ZNF423: variants seen among roughly 807,000 people sequenced by gnomAD.
The protein encoded by ZNF423 is Ebf-associated zinc finger protein.
In ZNF423, 12 loss-of-function variants were observed where a neutral mutation model predicts 95.8. The ratio of observed to expected loss-of-function variants is 0.13; its 90% CI spans 0.08 to 0.20. The LOEUF is 0.20. Ranked by LOEUF, ZNF423 falls within the 10% of genes least tolerant of loss-of-function variation. The pLI is 1.00. For missense variants in ZNF423, 1,316 were observed against 1,737.1 expected, an observed-to-expected ratio of 0.76 and a Z score of 4.31; for synonymous variants, 749 against 711.9, an observed-to-expected ratio of 1.05 and a Z score of -0.83.
chr16:49,586,618 C>T (rs1035556567), intron 5 of ZNF423, among the ~76,000 whole-genome samples: 2 of 152,364 alleles, frequency 1.3e-5, no homozygotes, highest in Non-Finnish European at 2.9e-5. Flanking sequence ...GCGCAGCCCA[C>T]GCTGGGCGAC....
chr16:49,697,245 G>T (rs1305029300), intron 3 of ZNF423, among the ~76,000 whole-genome samples: 2 of 152,116 alleles, frequency 1.3e-5, no homozygotes, highest in African/African-American at 4.8e-5. Context: ...CTGGTTTCTG[G>T]GTACAGAACT....
At chr16:49,761,219 T>C (rs1297651723) in intron 2 of ZNF423, among the ~76,000 whole-genome samples, 1 of 152,144 alleles carries the variant, frequency 6.6e-6, no homozygotes, top group East Asian at 1.9e-4. Context: ...GGACTGCTGG[T>C]GGTTAAATGT....
chr16:49,580,842 G>T (rs1339268087), intron 5 of ZNF423, among the ~76,000 whole-genome samples: 1 of 152,162 alleles, frequency 6.6e-6, no homozygotes. Context: ...AGAGCCTACA[G>T]GGTGCTCTGT....
intron 3 of ZNF423, among the ~76,000 whole-genome samples, chr16:49,701,257 C>T (rs748040276): frequency 6.6e-6 from 1 of 152,162 alleles, no homozygotes; most frequent in African/African-American, 2.4e-5. Context: ...TGCATGCGCA[C>T]GTGTGTGTGT....
intron 3 of ZNF423, chr16:49,707,953 G>T: frequency 6.5e-6 from 1 of 154,252 alleles, no homozygotes. Context: ...AGGCGGGCTG[G>T]GACTGAGCTC....
chr16:49,661,093 C>T (rs2030196252), intron 3 of ZNF423, among the ~76,000 whole-genome samples: 1 of 151,818 alleles, frequency 6.6e-6, no homozygotes, highest in South Asian at 2.1e-4. Flanking sequence ...TGATGGTGGG[C>T]GCCTGTAATC....
intron 2 of ZNF423, among the ~76,000 whole-genome samples, chr16:49,735,517 G>A (rs146245873): frequency 9.2e-5 from 14 of 152,056 alleles, no homozygotes; most frequent in South Asian, 2.1e-4. Flanking sequence ...TCATCATAAC[G>A]AGGGACCGAA....
chr16:49,723,782 G>A lies in ZNF423; in HGVS notation c.301+6989C>T, dbSNP rs78499234. ...GATCCAATTTCCTTTTTGGGGGATGGCCACCTTTTCATCCTAATCCCAGTT... is the reference window on the plus strand; with the variant it reads ...GATCCAATTTCCTTTTTGGGGGATGACCACCTTTTCATCCTAATCCCAGTT... On this transcript the variant is annotated intron_variant, in intron 3 of 7. Transcript: ENST00000563137. 4.9e-4 allele frequency among the ~76,000 whole-genome samples: 75 copies of A among 152,246 alleles called. 1 individual carries two copies. The highest frequency in any genetic ancestry group is 1.7e-3 in the African/African-American group (70 of 41,542).
intron 2 of ZNF423, among the ~76,000 whole-genome samples, chr16:49,767,620 C>A (rs1443981536): frequency 6.6e-6 from 1 of 152,142 alleles, no homozygotes; most frequent in African/African-American, 2.4e-5. Flanking sequence ...GAGGGGCATG[C>A]GCAGTCAGAA....
chr16:49,850,674 C>T (rs2035293319), intron 1 of ZNF423, among the ~76,000 whole-genome samples: 1 of 152,206 alleles, frequency 6.6e-6, no homozygotes, highest in Non-Finnish European at 1.5e-5. Flanking sequence ...ACCACCTTGG[C>T]AAAAACGATG....
At chr16:49,783,620 G>C (rs1044019170) in intron 2 of ZNF423, among the ~76,000 whole-genome samples, 1 of 148,794 alleles carries the variant, frequency 6.7e-6, no homozygotes, top group Non-Finnish European at 1.5e-5. Flanking sequence ...GCTGGGATTG[G>C]CGGGAGAGAG....
Position 49,489,766 on chromosome 16 carries a change from A to G in ZNF423, c.*1509T>C, listed in dbSNP as rs1004946582. On this transcript the variant is annotated 3_prime_UTR_variant, in exon 8 of 8. Transcript: ENST00000563137. ...ATTTCCTTGCCCCTTGTGAAAAGTT[A>G]GCAAGGAAGGGTTTCCCCGTGCAAG... 2.0e-5 allele frequency: 3 copies of G among 152,298 alleles called. No homozygotes were observed. Among genetic ancestry groups the G allele is most frequent in the Non-Finnish European group, 4.4e-5 (3 of 68,060 alleles). 9.4% of individuals were successfully genotyped at this position (152,298 alleles called of 1,614,324 possible).
chr16:49,659,506 G>T (rs537730920), intron 3 of ZNF423, among the ~76,000 whole-genome samples: 4 of 152,246 alleles, frequency 2.6e-5, no homozygotes, highest in Non-Finnish European at 5.9e-5. Context: ...GTCTGAGGGA[G>T]GGACTTGCCC....
chr16:49,627,218 CACCCATCCATCCATCCTCCATCT>C (rs1972318555), intron 4 of ZNF423, among the ~76,000 whole-genome samples: 2 of 142,750 alleles, frequency 1.4e-5, no homozygotes, highest in African/African-American at 2.7e-5. Flanking sequence ...CCATCTACTC[CACCCATCCATCCATCCTCCATCT>C]ACCCATCCAT....
At chr16:49,844,143 A>G (rs2035219424) in intron 1 of ZNF423, among the ~76,000 whole-genome samples, 1 of 151,442 alleles carries the variant, frequency 6.6e-6, no homozygotes, top group South Asian at 2.1e-4. Flanking sequence ...AGAGGCGGAC[A>G]TGGTGACTCG....
At chr16:49,792,376 G>C (rs2034430873) in intron 1 of ZNF423, among the ~76,000 whole-genome samples, 1 of 152,230 alleles carries the variant, frequency 6.6e-6, no homozygotes, top group Non-Finnish European at 1.5e-5. Flanking sequence ...ACATTTTGGA[G>C]CTCTGGGGGA....
chr16:49,508,753 C>G (rs1356361894), intron 7 of ZNF423, among the ~76,000 whole-genome samples: 3 of 152,078 alleles, frequency 2.0e-5, no homozygotes, highest in Non-Finnish European at 4.4e-5. Flanking sequence ...GTTCCTTATC[C>G]TACTGGAAAT....
chr16:49,781,602 G>A (rs1011699379), intron 2 of ZNF423, among the ~76,000 whole-genome samples: 4 of 152,206 alleles, frequency 2.6e-5, no homozygotes, highest in African/African-American at 9.7e-5. Context: ...AAGCAGGGCA[G>A]GAGGCAGCTC....
chr16:49,510,832 G>A (rs566628963), intron 7 of ZNF423, among the ~76,000 whole-genome samples: 5 of 152,334 alleles, frequency 3.3e-5, no homozygotes, highest in South Asian at 4.1e-4. Context: ...AGGCAGCGCC[G>A]GGGAGGGGTT....
Sources: allele counts gnomAD v4.1 joint callset (sites outside exome capture counted in the v4.1 genomes callset), GRCh38; gene constraint gnomAD v4.1.1; transcripts MANE v1.5; gene names NCBI Gene and HGNC (gene_info 2026-07-23, HGNC 2026-07-21).